Variants in CSMD2 observed in about 807,000 individuals in gnomAD.
The protein encoded by CSMD2 is CUB and Sushi multiple domains 2, also known as CUB and sushi domain-containing protein 2.
A neutral mutation model predicts 398.5 loss-of-function variants in CSMD2; 130 were observed. The ratio of observed to expected loss-of-function variants is 0.33; its 90% CI spans 0.28 to 0.38. The LOEUF is 0.38. Among genes scored for constraint, CSMD2 ranks in the 10% least tolerant of loss-of-function variants. The probability of loss-of-function intolerance (pLI) is 1.00; values close to 1 mark genes in which losing one functional copy is unlikely to be tolerated. For synonymous variants in CSMD2, 1,828 were observed against 1,908.5 expected, an observed-to-expected ratio of 0.96 and a Z score of 1.10; for missense variants, 3,829 against 4,764.9, an observed-to-expected ratio of 0.80 and a Z score of 5.78.
chr1:33,804,371 A>C (rs1655975517), intron 10 of CSMD2, among the ~76,000 whole-genome samples: 1 of 152,050 alleles, frequency 6.6e-6, no homozygotes, highest in Non-Finnish European at 1.5e-5. Flanking sequence ...GCTATTCCAA[A>C]CCTCAGTGCC....
intron 45 of CSMD2, 55 bp downstream of exon 45, chr1:33,587,033 T>C: frequency 1.4e-6 from 2 of 1,410,332 alleles, no homozygotes; most frequent in South Asian, 1.3e-5. Context: ...CCCGCCACCT[T>C]CCCTTCCTTC....
At chr1:33,596,178 C>T (rs12042814) in intron 44 of CSMD2, among the ~76,000 whole-genome samples, 9,388 of 152,098 alleles carry the variant, frequency 0.062, 506 homozygotes, top group South Asian at 0.14. Flanking sequence ...TTCTGCTGAC[C>T]CCTCCCTCCT....
intron 15 of CSMD2, among the ~76,000 whole-genome samples, chr1:33,732,707 G>C (rs1299633839): frequency 1.3e-5 from 2 of 152,180 alleles, no homozygotes; most frequent in African/African-American, 4.8e-5. Flanking sequence ...TTCTGATGAG[G>C]GGTTGCTGTC....
At chr1:33,845,661 G>T (rs1661282184) in intron 6 of CSMD2, among the ~76,000 whole-genome samples, 1 of 152,284 alleles carries the variant, frequency 6.6e-6, no homozygotes, top group East Asian at 1.9e-4. Context: ...AAGCTCTCAG[G>T]GTAAGCCTTT....
rs190514285 is a variant in CSMD2, at chr1:33,852,459, G to A, written c.921-5463C>T. Among the ~76,000 whole-genome samples the A allele has an allele frequency of 1.4e-3, 219 of 152,270 alleles. 1 individual carries two copies. Among genetic ancestry groups the A allele is most frequent in the Non-Finnish European group, 1.8e-3 (122 of 68,022 alleles). ...ATCCTGGAATGCGACTAGTACTTTC[G>A]TGTCTCCAGACCTTTGCACATGCTA... On this transcript the variant is annotated intron_variant, in intron 5 of 70. Transcript: ENST00000373381.
At chr1:34,101,413 C>G (rs1182997152) in intron 1 of CSMD2, among the ~76,000 whole-genome samples, 1 of 152,232 alleles carries the variant, frequency 6.6e-6, no homozygotes, top group East Asian at 1.9e-4. Context: ...ATGACTGGGT[C>G]AAATGGTATG....
intron 4 of CSMD2, among the ~76,000 whole-genome samples, chr1:33,930,327 A>T (rs928280487): frequency 1.3e-5 from 2 of 152,294 alleles, no homozygotes; most frequent in Admixed American, 6.5e-5. Context: ...GGGCTGGCTT[A>T]CCTAGGGTTG....
chr1:33,690,031 G>A (rs2149091066), intron 25 of CSMD2, among the ~76,000 whole-genome samples: 1 of 152,156 alleles, frequency 6.6e-6, no homozygotes, highest in African/African-American at 2.4e-5. Context: ...CTCGTCCCCA[G>A]CCACACTCTG....
chr1:33,713,049 C>CCT (rs1646046108), intron 21 of CSMD2, among the ~76,000 whole-genome samples: 1 of 152,220 alleles, frequency 6.6e-6, no homozygotes, highest in South Asian at 2.1e-4. Context: ...TTATATGCCA[C>CCT]CTCTTGGTTT....
At chr1:34,070,481 T>C (rs563771916) in intron 2 of CSMD2, among the ~76,000 whole-genome samples, 2 of 152,312 alleles carry the variant, frequency 1.3e-5, no homozygotes, top group East Asian at 3.9e-4. Context: ...TTATGAGCCA[T>C]TCTGAAGCTC....
rs1351133487 is a variant in CSMD2 at position 33,820,565 on chromosome 1, C to G, written c.1112-9G>C. 147 of 444,230 alleles carry G rather than the reference C, an allele frequency of 3.3e-4. No individual in the cohort carries two copies. The highest frequency in any genetic ancestry group is 1.1e-3 in the Middle Eastern group (2 of 1,750). The allele number at this position is 444,230 out of a possible 1,614,324, so 27.5% of individuals were successfully genotyped here. On this transcript the variant is annotated splice_polypyrimidine_tract_variant and intron_variant, in intron 7 of 70. Transcript: ENST00000373381. ...CACACCAACCTGAGTTACTACAAGG[C>G]AAAAAAAAAAAAAAAAAAAAAAACA...
intron 13 of CSMD2, among the ~76,000 whole-genome samples, chr1:33,759,336 T>C (rs546499573): frequency 2.7e-5 from 4 of 145,756 alleles, no homozygotes; most frequent in Non-Finnish European, 6.1e-5. Flanking sequence ...TTTTTTTTTT[T>C]TTTTTTTGAG....
At chr1:34,113,627 G>T (rs1018615019) in intron 1 of CSMD2, among the ~76,000 whole-genome samples, 1 of 152,168 alleles carries the variant, frequency 6.6e-6, no homozygotes, top group Non-Finnish European at 1.5e-5. Flanking sequence ...GGTGCCAGGG[G>T]CTTGGGAGTG....
intron 2 of CSMD2, among the ~76,000 whole-genome samples, chr1:34,045,541 T>C (rs1180096794): frequency 1.3e-5 from 2 of 152,248 alleles, no homozygotes; most frequent in Non-Finnish European, 2.9e-5. Flanking sequence ...TGCAAACCTC[T>C]GCTTTCAGCT....
At chr1:33,804,436 G>A (rs770913063) in intron 10 of CSMD2, among the ~76,000 whole-genome samples, 1 of 152,078 alleles carries the variant, frequency 6.6e-6, no homozygotes, top group Non-Finnish European at 1.5e-5. Context: ...CATCCTTCAG[G>A]ACCCTGTTGA....
chr1:33,527,259 C>G lies in CSMD2; in HGVS notation c.10172-1G>C. 1 of 1,610,584 alleles carries G rather than the reference C, an allele frequency of 6.2e-7. No individual in the cohort carries two copies. Among genetic ancestry groups the G allele is most frequent in the Non-Finnish European group, 8.5e-7 (1 of 1,178,506 alleles). On this transcript the variant is annotated splice_acceptor_variant, in intron 64 of 70. Transcript: ENST00000373381. LOFTEE classifies it high-confidence loss of function. Reference sequence around the variant, plus strand: ...ATGGGTCTCCCACTGGGCCGGACCTCTGCTGGGGAAAAAGAGTGGAAGAAA... The same window carrying G: ...ATGGGTCTCCCACTGGGCCGGACCTGTGCTGGGGAAAAAGAGTGGAAGAAA...
At chr1:33,832,882 A>G (rs1048696814) in intron 6 of CSMD2, among the ~76,000 whole-genome samples, 3 of 152,250 alleles carry the variant, frequency 2.0e-5, no homozygotes, top group Non-Finnish European at 2.9e-5. Flanking sequence ...TTTCTACGCA[A>G]ATAAACTAGA....
chr1:34,061,050 C>T (rs929348648), intron 2 of CSMD2, among the ~76,000 whole-genome samples: 3 of 152,140 alleles, frequency 2.0e-5, no homozygotes, highest in Admixed American at 6.5e-5. Context: ...GCTCGCACTT[C>T]CCAACCCCTG....
chr1:33,761,970 CCT>C (rs1389163283), intron 13 of CSMD2, among the ~76,000 whole-genome samples: 2 of 152,276 alleles, frequency 1.3e-5, no homozygotes, highest in African/African-American at 4.8e-5. Flanking sequence ...ACCCACCTCC[CCT>C]GAGTCACCCA....
Sources: allele counts gnomAD v4.1 joint callset (sites outside exome capture counted in the v4.1 genomes callset), GRCh38; gene constraint gnomAD v4.1.1; transcripts MANE v1.5; gene names NCBI Gene and HGNC (gene_info 2026-07-23, HGNC 2026-07-21).